TRANK1: variants seen among roughly 807,000 people sequenced by gnomAD.
The protein encoded by TRANK1 is tetratricopeptide repeat and ankyrin repeat containing 1, also known as TPR and ankyrin repeat-containing protein 1.
TRANK1 carries 198 observed loss-of-function variants against 266.0 expected under a neutral mutation model. The observed-to-expected ratio is 0.74, with a 90% confidence interval of 0.66 to 0.84. The LOEUF is 0.84. Among genes scored for constraint, TRANK1 ranks in the 40% least tolerant of loss-of-function variants. TRANK1 has a pLI of 0.00. For synonymous variants in TRANK1, 1,396 were observed against 1,384.1 expected, an observed-to-expected ratio of 1.01 and a Z score of -0.19; for missense variants, 3,326 against 3,634.6, an observed-to-expected ratio of 0.92 and a Z score of 2.18.
chr3:36,871,013 C>T (rs539091828), intron 9 of TRANK1, among the ~76,000 whole-genome samples: 46 of 104,522 alleles, frequency 4.4e-4, no homozygotes, highest in African/African-American at 1.5e-3. Context: ...ACTAAACCAA[C>T]ATGAATGACT....
In TRANK1 at chr3:36,831,245, G is replaced by A; in HGVS notation, c.8338C>T (p.Pro2780Ser). The A allele has an allele frequency of 6.2e-7, 1 of 1,613,366 alleles. No individual in the cohort carries two copies. The highest frequency in any genetic ancestry group is 1.3e-5 in the African/African-American group (1 of 74,960). Reference sequence around the variant, plus strand: ...TTGCTGGGGCTGAAATAGTTCTCTGGGCCACGGGTAAACTTCACTCCACAT... The same window carrying A: ...TTGCTGGGGCTGAAATAGTTCTCTGAGCCACGGGTAAACTTCACTCCACAT... ...DLCGVKFTRG[P>S]ENYFSPSKAF... The change falls in exon 22 of 24, where the codon CCA (proline) becomes TCA (serine). Residue 2780 changes from proline to serine, a missense_variant. Pro to Ser is a moderately conservative substitution (Grantham distance 74). Coordinates refer to ENST00000645898, the MANE Select transcript of TRANK1 (RefSeq NM_001329998.2). This position sits in a 1 kb window ranked among gnomAD's most constrained non-coding sequence, Gnocchi z 5.0.
At chr3:36,932,450 C>G (rs2080372742) in intron 1 of TRANK1, among the ~76,000 whole-genome samples, 1 of 152,196 alleles carries the variant, frequency 6.6e-6, no homozygotes, top group Non-Finnish European at 1.5e-5. Context: ...GTAATCCCAG[C>G]TACTCGGGAG....
intron 1 of TRANK1, among the ~76,000 whole-genome samples, chr3:36,927,837 C>T (rs2080309248): frequency 6.6e-6 from 1 of 152,130 alleles, no homozygotes; most frequent in African/African-American, 2.4e-5. Context: ...GGGCTGTTTC[C>T]CCAAATTTTG....
At position 36,879,766 on chromosome 3, in the gene TRANK1, A is replaced by G. The variant is rs1361898630; in HGVS notation, c.908-5470T>C. On this transcript the variant is annotated intron_variant, in intron 8 of 23. Coordinates refer to ENST00000645898, the MANE Select transcript of TRANK1 (RefSeq NM_001329998.2). ...CAAATATATAAATATATATAAATAT[A>G]TATAAATATATATAAATATGTAAAT... is the stretch of plus-strand genomic sequence containing the variant. Among the ~76,000 whole-genome samples the G allele has an allele frequency of 1.7e-3, 186 of 109,084 alleles. 35 individuals carry two copies. Among genetic ancestry groups the G allele is most frequent in the South Asian group, 4.4e-3 (16 of 3,602 alleles). The allele number at this position is 109,084 out of a possible 152,430, so 71.6% of individuals were successfully genotyped here. A position where few individuals can be genotyped will look rare whatever the true frequency, so the allele number is the denominator to read the frequency against.
rs1242015996 is a variant in TRANK1 at position 36,874,149 on chromosome 3, G to A, written c.1055C>T (p.Ala352Val). The A allele has an allele frequency of 3.3e-6, 5 of 1,537,370 alleles. No homozygotes were observed. The highest frequency in any genetic ancestry group is 1.4e-5 in the African/African-American group (1 of 73,072). Residue 352 changes from alanine to valine, a missense_variant, in exon 9 of 24, where the codon GCT becomes GTT. By Grantham distance (64) the Ala-to-Val change is moderately conservative. Coordinates refer to ENST00000645898, the MANE Select transcript of TRANK1 (RefSeq NM_001329998.2). ...EKINSHLEKL[A>V]TCSKDLSGFS... ...ACCTGATAGGTCCTTAGAACACGTA[G>A]CTAGCTTTTCTAAGTGACTGTTGAT...
At chr3:36,933,992 T>C (rs1248656674) in intron 1 of TRANK1, among the ~76,000 whole-genome samples, 2 of 152,200 alleles carry the variant, frequency 1.3e-5, no homozygotes, top group Admixed American at 1.3e-4. Context: ...AACAGGGCAC[T>C]TGCTCAGGGG....
At chr3:36,854,778 T>C (rs1452093939) in intron 13 of TRANK1, among the ~76,000 whole-genome samples, 2 of 150,190 alleles carry the variant, frequency 1.3e-5, no homozygotes, top group East Asian at 1.9e-4. Context: ...TTTTTTTTTT[T>C]CCTTCTCTTT....
In TRANK1 at chr3:36,856,917, G is replaced by T. The variant is rs1429222531; in HGVS notation, c.2805C>A (p.Tyr935Ter). ...TCAMEKSGRI[Y>*]TEIIRIWDIV... ...TGTCCCAAATCCGGATGATTTCCGT[G>T]TAGATCCGCCCTGATTTCTCCATTG... Residue 935 changes from tyrosine to a stop codon, truncating the protein, a stop_gained, in exon 13 of 24, where the codon TAC (tyrosine) becomes TAA (stop). Transcript: ENST00000645898. LOFTEE classifies it high-confidence loss of function. 3 of 1,613,890 alleles carry T rather than the reference G, an allele frequency of 1.9e-6. No individual in the cohort carries two copies. Among genetic ancestry groups the T allele is most frequent in the Non-Finnish European group, 2.5e-6 (3 of 1,179,840 alleles).
intron 8 of TRANK1, among the ~76,000 whole-genome samples, chr3:36,879,220 A>G (rs1383572600): frequency 2.6e-5 from 4 of 151,962 alleles, no homozygotes; most frequent in Non-Finnish European, 5.9e-5. Context: ...AAACAAAACA[A>G]CCAGAATGAT....
intron 1 of TRANK1, among the ~76,000 whole-genome samples, chr3:36,942,794 C>A (rs1409065544): frequency 6.6e-6 from 1 of 151,048 alleles, no homozygotes; most frequent in Non-Finnish European, 1.5e-5. Flanking sequence ...TCTGGGAGAG[C>A]GGCGGAAACA....
chr3:36,936,938 C>T (rs2080433243), intron 1 of TRANK1, among the ~76,000 whole-genome samples: 1 of 149,356 alleles, frequency 6.7e-6, no homozygotes, highest in Non-Finnish European at 1.5e-5. Context: ...CCTGTCTCTA[C>T]TAAAAATACA....
At chr3:36,905,709 C>T (rs1277246893) in intron 2 of TRANK1, among the ~76,000 whole-genome samples, 1 of 152,174 alleles carries the variant, frequency 6.6e-6, no homozygotes, top group African/African-American at 2.4e-5. Flanking sequence ...AACCTCCTTG[C>T]CTCAAGATGG....
At position 36,856,998 on chromosome 3, in the gene TRANK1, G is replaced by C; in HGVS notation, c.2724C>G (p.Ser908=). Residue 908 remains serine, a synonymous_variant, in exon 13 of 24, where the codon TCC becomes TCG. Transcript: ENST00000645898. ...RMLWELAIDF[S]PRCSENPEKI... ...TCTCAGGGTTCTCACTGCATCGAGG[G>C]GAGAAGTCAATGGCGAGCTCCCAGA... The C allele has an allele frequency of 1.9e-6, 3 of 1,613,866 alleles. No homozygotes were observed. Among genetic ancestry groups the C allele is most frequent in the Non-Finnish European group, 2.5e-6 (3 of 1,179,850 alleles).
intron 8 of TRANK1, 72 bp downstream of exon 8, chr3:36,889,757 T>G: frequency 6.8e-7 from 1 of 1,462,718 alleles, no homozygotes; most frequent in Non-Finnish European, 9.0e-7. Flanking sequence ...AACAAGGCAG[T>G]CGGTGGTGTG....
chr3:36,863,586 G>C lies in TRANK1; in HGVS notation c.1240+733C>G, dbSNP rs144385587. On this transcript the variant is annotated intron_variant, in intron 10 of 23. Transcript: ENST00000645898. ...CAGCTAACGAGTACTAGCATTTTAT[G>C]TGCAGGACATTAGACTAATTGTTCT... Among the ~76,000 whole-genome samples, 441 of 152,340 alleles carry C rather than the reference G, an allele frequency of 2.9e-3. 3 individuals carry two copies. Among genetic ancestry groups the C allele is most frequent in the African/African-American group, 0.01 (418 of 41,572 alleles).
intron 2 of TRANK1, among the ~76,000 whole-genome samples, chr3:36,906,412 C>T (rs1040319955): frequency 3.9e-5 from 6 of 152,244 alleles, no homozygotes; most frequent in Middle Eastern, 6.8e-3. Flanking sequence ...TGCAGGTGAT[C>T]CACAAGGTGA....
Position 36,870,420 on chromosome 3 carries a change from AAG to A in TRANK1, c.1078+3704_1078+3705del, listed in dbSNP as rs34639575. On this transcript the variant is annotated intron_variant, in intron 9 of 23. Coordinates refer to ENST00000645898, the MANE Select transcript of TRANK1 (RefSeq NM_001329998.2). Reference sequence around the variant, plus strand: ...AAAACTCTGTTTCAAAAAAAAAAAAAAGAGAGAGAGAGAGAGAGAGTTCCACT... The same window carrying A: ...AAAACTCTGTTTCAAAAAAAAAAAAAAGAGAGAGAGAGAGAGAGTTCCACT... Among the ~76,000 whole-genome samples, 204 of 145,360 alleles carry A rather than the reference AAG, an allele frequency of 1.4e-3. 1 individual carries two copies. Among genetic ancestry groups the A allele is most frequent in the South Asian group, 2.8e-3 (13 of 4,572 alleles).
In TRANK1 at chr3:36,842,635, T is replaced by G; in HGVS notation, c.5267A>C (p.His1756Pro). 1.2e-6 allele frequency: 2 copies of G among 1,613,920 alleles called. No individual in the cohort carries two copies. Among genetic ancestry groups the G allele is most frequent in the Non-Finnish European group, 1.7e-6 (2 of 1,179,860 alleles). ...WIAQGDYYAKHQCWKVAAKCY... is the reference protein window; with the variant it reads ...WIAQGDYYAKPQCWKVAAKCY... ...CCAACCCCTTACCTTCCAGCACTGG[T>G]GCTTGGCGTAGTAATCTCCCTGTGC... Residue 1756 changes from histidine (H) to proline (P), a missense_variant, in exon 18 of 24, where the codon CAC (histidine) becomes CCC (proline). Coordinates refer to ENST00000645898, the MANE Select transcript of TRANK1 (RefSeq NM_001329998.2).
At chr3:36,945,414 G>T (rs9311146), upstream of TRANK1, among the ~76,000 whole-genome samples, 4,467 of 152,244 alleles carry the variant, frequency 0.029, 218 homozygotes, top group African/African-American at 0.1. Flanking sequence ...AAGCCCCCTA[G>T]CTCCTACAGA....
Sources: gnomAD v4.1 joint callset for allele counts (sites outside exome capture counted in the v4.1 genomes callset) on GRCh38, gnomAD v4.1.1 for gene constraint, Gnocchi (gnomAD v3.1) non-coding constraint, MANE v1.5 for transcripts, NCBI Gene and HGNC (gene_info 2026-07-23, HGNC 2026-07-21) for gene names.